The following KIF21A variants were observed in gnomAD, a reference collection of about 807,000 sequenced individuals.
The protein encoded by KIF21A is kinesin-like protein KIF21A.
A neutral mutation model predicts 202.9 loss-of-function variants in KIF21A; 114 were observed. The observed-to-expected ratio is 0.56, with a 90% confidence interval of 0.48 to 0.66. The LOEUF (loss-of-function observed/expected upper bound fraction) is 0.66. KIF21A is among the 30% of genes least tolerant of loss of function. KIF21A has a pLI of 0.00. For synonymous variants in KIF21A, 667 were observed against 670.8 expected (o/e 0.99, Z 0.09); for missense variants, 1,677 against 1,994.9 (o/e 0.84, Z 3.04).
chr12:39,313,291 CG>C (rs1944209632), intron 31 of KIF21A, among the ~76,000 whole-genome samples: 1 of 151,822 alleles, frequency 6.6e-6, no homozygotes, highest in African/African-American at 2.4e-5. Flanking sequence ...CTCAACTTCT[CG>C]TTGAGTCTCA....
At position 39,302,975 on chromosome 12, in the gene KIF21A, T is replaced by C. The variant is rs1273856513; in HGVS notation, c.4721A>G (p.Asp1574Gly). The C allele has an allele frequency of 1.9e-6, 3 of 1,613,888 alleles. No individual in the cohort carries two copies. In the East Asian group the frequency reaches 6.7e-5, roughly 36 times the overall value. ...AAGGTTCTGCATTACCTGAAGAAGG[T>C]CTTTTTGAGTTAAGTCCCATTTCTT... ...GIKKWDLTQKDLLQQVPNAHK... is the reference protein window; with the variant it reads ...GIKKWDLTQKGLLQQVPNAHK... The change falls in exon 36 of 38, where the codon GAC becomes GGC. Residue 1574 changes from aspartate (D) to glycine (G), a missense_variant. Asp to Gly is a moderately conservative substitution (Grantham distance 94). Coordinates refer to ENST00000361418, the MANE Select transcript of KIF21A (RefSeq NM_001173464.2).
chr12:39,436,444 A>T (rs1365973169), intron 1 of KIF21A, among the ~76,000 whole-genome samples: 5 of 113,584 alleles, frequency 4.4e-5, no homozygotes, highest in African/African-American at 7.8e-5. Flanking sequence ...ATATATATAT[A>T]TATATTTTTT....
chr12:39,374,968 T>C (rs937547832), intron 1 of KIF21A, among the ~76,000 whole-genome samples: 4 of 152,272 alleles, frequency 2.6e-5, no homozygotes, highest in South Asian at 2.1e-4. Context: ...TCATTATTCC[T>C]ATCGTATAAC....
Position 39,410,750 on chromosome 12 carries a change from T to G in KIF21A, c.44+32177A>C, listed in dbSNP as rs552078597. On this transcript the variant is annotated intron_variant, in intron 1 of 37. Transcript: ENST00000361418. ...GTTTTTTTGCTGCCCACAGAGGAATTAAACTAGAAATAAACAATAGAAACA... is the reference window on the plus strand; with the variant it reads ...GTTTTTTTGCTGCCCACAGAGGAATGAAACTAGAAATAAACAATAGAAACA... 2.0e-5 allele frequency among the ~76,000 whole-genome samples: 3 copies of G among 152,200 alleles called. No homozygotes were observed. The South Asian group carries it at 6.2e-4, about 32-fold the overall frequency.
Position 39,358,195 on chromosome 12 carries a change from G to C in KIF21A, c.1198C>G (p.Leu400Val). 6.2e-7 allele frequency: 1 copy of C among 1,613,950 alleles called. No homozygotes were observed. Among genetic ancestry groups the C allele is most frequent in the East Asian group, 2.2e-5 (1 of 44,848 alleles). ...TAGCTTACTGTTTTGTACTCCATGA[G>C]CTCCATCTGAAGTCGTGTGATTTCA... ...RSEITRLQMELMEYKTGKRII... is the reference protein window; with the variant it reads ...RSEITRLQMEVMEYKTGKRII... Residue 400 changes from leucine (L) to valine (V), a missense_variant, in exon 8 of 38, where the codon CTC (leucine) becomes GTC (valine). Leu to Val is a conservative substitution (Grantham distance 32, BLOSUM62 1). This residue lies in a region of KIF21A where 966 missense variants were observed against 1,180.9 expected (regional missense o/e 0.82). Coordinates refer to ENST00000361418, the MANE Select transcript of KIF21A (RefSeq NM_001173464.2).
chr12:39,357,017 T>C (rs1397126850), intron 9 of KIF21A, 122 bp from the exon 10 acceptor site: 3 of 673,966 alleles, frequency 4.5e-6, no homozygotes, highest in Non-Finnish European at 7.7e-6. Flanking sequence ...CAGCAAATTT[T>C]CTACCCTTTA....
At chr12:39,388,184 C>A (rs1345950694) in intron 1 of KIF21A, among the ~76,000 whole-genome samples, 2 of 152,026 alleles carry the variant, frequency 1.3e-5, no homozygotes. Flanking sequence ...CCCTCCATGG[C>A]GGGGACCGGA....
intron 1 of KIF21A, among the ~76,000 whole-genome samples, chr12:39,396,641 G>A (rs12230604): frequency 1.1e-4 from 16 of 151,940 alleles, no homozygotes; most frequent in Admixed American, 1.0e-3. Flanking sequence ...GAATACTTAC[G>A]ATAACTCCCT....
In KIF21A at chr12:39,442,921, C is replaced by G; in HGVS notation, c.44+6G>C. ...CCGCCGCCCGCCGCCGGCAGACTGT[C>G]CTCACCTGACAGCCACCCGCACGGA... On this transcript the variant is annotated splice_donor_region_variant and intron_variant, in intron 1 of 37. Coordinates refer to ENST00000361418, the MANE Select transcript of KIF21A (RefSeq NM_001173464.2). The surrounding 1 kb of genome is among the most constrained non-coding windows in gnomAD (Gnocchi z 5.0). 6.6e-7 allele frequency: 1 copy of G among 1,525,406 alleles called. No individual in the cohort carries two copies. The highest frequency in any genetic ancestry group is 2.1e-4 in the Middle Eastern group (1 of 4,816). 94.5% of individuals were successfully genotyped at this position (1,525,406 alleles called of 1,614,324 possible).
At chr12:39,324,467 G>A (rs1270707907) in intron 26 of KIF21A, among the ~76,000 whole-genome samples, 1 of 152,160 alleles carries the variant, frequency 6.6e-6, no homozygotes, top group Non-Finnish European at 1.5e-5. Context: ...TTTTATTTGA[G>A]TTTTGGTAAC....
rs756413250 is a variant in KIF21A, at chr12:39,340,327, T to G, written c.2148A>C (p.Lys716Asn). The change falls in exon 16 of 38, where the codon AAA becomes AAC. Residue 716 changes from lysine to asparagine, a missense_variant. Around this residue, in one of 3 missense-constraint regions of KIF21A, gnomAD observed 966 missense variants for 1,180.9 expected, o/e 0.82. Transcript: ENST00000361418. ...GTTTCTTTTCATATTCAGACCTAAC[T>G]TTTTTTGCTTTTTCTTCTGAGTAAG... ...VESYSEEKAK[K>N]VRSEYEKKLQ... 1.9e-6 allele frequency: 3 copies of G among 1,609,938 alleles called. No individual in the cohort carries two copies. In the African/African-American group the frequency reaches 4.0e-5, roughly 22 times the overall value.
intron 1 of KIF21A, among the ~76,000 whole-genome samples, chr12:39,375,600 G>A (rs1018022906): frequency 6.6e-6 from 1 of 152,020 alleles, no homozygotes; most frequent in Admixed American, 6.6e-5. Flanking sequence ...TATCAGCACT[G>A]CCCCCGATGG....
At chr12:39,309,239 T>C (rs1241233165) in intron 33 of KIF21A, among the ~76,000 whole-genome samples, 1 of 152,174 alleles carries the variant, frequency 6.6e-6, no homozygotes, top group East Asian at 1.9e-4. Context: ...GGAATGGTAG[T>C]TATTTGAAGC....
At chr12:39,319,883 G>A (rs1428673371) in intron 28 of KIF21A, 23 bp downstream of exon 28, 5 of 1,334,074 alleles carry the variant, frequency 3.7e-6, no homozygotes, top group Non-Finnish European at 5.4e-6. Context: ...CAGTCTAGCA[G>A]GTAAAAAACA....
chr12:39,340,287 T>C lies in KIF21A; in HGVS notation c.2188A>G (p.Lys730Glu). Reference protein sequence around the residue: ...EYEKKLQAMNKELQRLQAAQK... With the variant: ...EYEKKLQAMNEELQRLQAAQK... ...GCTGCTTGAAGTCTCTGCAGTTCTTTGTTCATGGCTTGGAGTTTCTTTTCA... is the reference window on the plus strand; with the variant it reads ...GCTGCTTGAAGTCTCTGCAGTTCTTCGTTCATGGCTTGGAGTTTCTTTTCA... The change falls in exon 16 of 38, where the codon AAA (lysine) becomes GAA (glutamate). Residue 730 changes from lysine to glutamate, a missense_variant. Lys to Glu is a moderately conservative substitution (Grantham distance 56, BLOSUM62 1). This residue lies in a region of KIF21A where 966 missense variants were observed against 1,180.9 expected (regional missense o/e 0.82). Transcript: ENST00000361418. The C allele has an allele frequency of 6.2e-7, 1 of 1,613,110 alleles. No individual in the cohort carries two copies. Among genetic ancestry groups the C allele is most frequent in the Non-Finnish European group, 8.5e-7 (1 of 1,179,576 alleles).
intron 29 of KIF21A, among the ~76,000 whole-genome samples, chr12:39,316,671 C>G (rs11171720): frequency 6.6e-6 from 1 of 151,762 alleles, no homozygotes; most frequent in African/African-American, 2.4e-5. Flanking sequence ...ATATGGTGAG[C>G]GTTAGCATAG....
chr12:39,357,158 T>C, intron 9 of KIF21A, 90 bp downstream of exon 9: 1 of 1,139,424 alleles, frequency 8.8e-7, no homozygotes, highest in Non-Finnish European at 1.3e-6. Flanking sequence ...GGCATTTCTA[T>C]TTCAACTATG....
At chr12:39,359,616 G>GT (rs997315237) in intron 7 of KIF21A, among the ~76,000 whole-genome samples, 3 of 152,102 alleles carry the variant, frequency 2.0e-5, no homozygotes, top group Admixed American at 6.6e-5. Context: ...AGAAAATAAG[G>GT]TAATTCAGTA....
chr12:39,372,031 T>TA (rs57979417), intron 1 of KIF21A, among the ~76,000 whole-genome samples: 1,768 of 140,264 alleles, frequency 0.013, 17 homozygotes, highest in African/African-American at 0.024. Flanking sequence ...TTGTGAAATT[T>TA]AAAAAAAAAA....
Sources: gnomAD v4.1 joint callset for allele counts (sites outside exome capture counted in the v4.1 genomes callset) on GRCh38, gnomAD v4.1.1 for gene constraint, gnomAD v4.1.1 regional missense constraint, Gnocchi (gnomAD v3.1) non-coding constraint, MANE v1.5 for transcripts, NCBI Gene and HGNC (gene_info 2026-07-23, HGNC 2026-07-21) for gene names.